Variants in LSAMP observed in about 807,000 individuals in gnomAD.
LSAMP encodes limbic system associated membrane protein, also known as limbic system-associated membrane protein.
Under a neutral mutation model 38.6 loss-of-function variants are expected in LSAMP, and 7 were observed. That is an observed-to-expected ratio of 0.18 (90% CI 0.10 to 0.34). The LOEUF (loss-of-function observed/expected upper bound fraction) is 0.34, where lower values mean the gene tolerates loss of function less well. Ranked by LOEUF, LSAMP falls within the 10% of genes least tolerant of loss-of-function variation. The pLI is 1.00. For missense variants in LSAMP, 313 were observed against 420.0 expected (o/e 0.75, Z 2.23); for synonymous variants, 154 against 166.8 (o/e 0.92, Z 0.59).
intron 6 of LSAMP, among the ~76,000 whole-genome samples, chr3:115,838,475 T>C (rs1293918306): frequency 6.6e-6 from 1 of 152,220 alleles, no homozygotes; most frequent in Non-Finnish European, 1.5e-5. Flanking sequence ...GTCATGCATA[T>C]CCCCGTCTGA....
chr3:115,820,519 A>G (rs1934196269), intron 6 of LSAMP, among the ~76,000 whole-genome samples: 2 of 152,202 alleles, frequency 1.3e-5, no homozygotes, highest in African/African-American at 4.8e-5. Flanking sequence ...AGGAAAGGCA[A>G]GTGCCTCGAG....
rs1480411910 is a variant in LSAMP, at chr3:115,877,673, T to G, written c.515-25056A>C. ...TTTTAACACATCTCTCTCTTTTCCC[T>G]CAAATATTTTGAAGCTTTGTTTTAT... On this transcript the variant is annotated intron_variant, in intron 3 of 6. Transcript: ENST00000490035. Among the ~76,000 whole-genome samples, 3 of 152,226 alleles carry G rather than the reference T, an allele frequency of 2.0e-5. No individual in the cohort carries two copies. In the East Asian group the frequency reaches 5.8e-4, roughly 29 times the overall value.
chr3:116,056,481 C>T (rs536599353), intron 2 of LSAMP, among the ~76,000 whole-genome samples: 11 of 152,004 alleles, frequency 7.2e-5, no homozygotes, highest in South Asian at 2.1e-4. Flanking sequence ...GCCTAAGTAA[C>T]CCAGATATGT....
At chr3:116,306,387 T>C (rs1422581183) in intron 1 of LSAMP, among the ~76,000 whole-genome samples, 1 of 152,016 alleles carries the variant, frequency 6.6e-6, no homozygotes, top group Non-Finnish European at 1.5e-5. Flanking sequence ...TCAGAATATT[T>C]TATTCATGTC....
At chr3:116,043,671 C>A (rs1286729760) in intron 2 of LSAMP, among the ~76,000 whole-genome samples, 1 of 152,200 alleles carries the variant, frequency 6.6e-6, no homozygotes, top group East Asian at 1.9e-4. Flanking sequence ...TCTTGCCGGG[C>A]GCGGTGGCTC....
At chr3:116,045,922 A>G (rs1417684252) in intron 2 of LSAMP, among the ~76,000 whole-genome samples, 2 of 152,112 alleles carry the variant, frequency 1.3e-5, no homozygotes, top group East Asian at 3.9e-4. Context: ...AAACTCCCCA[A>G]AGTTTCATAG....
At chr3:116,222,546 G>C (rs905111237) in intron 1 of LSAMP, among the ~76,000 whole-genome samples, 1 of 151,926 alleles carries the variant, frequency 6.6e-6, no homozygotes, top group African/African-American at 2.4e-5. Context: ...CGTAAAATAA[G>C]AGCTATGTTT....
chr3:116,034,460 C>T (rs1242114327), intron 2 of LSAMP, among the ~76,000 whole-genome samples: 1 of 151,988 alleles, frequency 6.6e-6, no homozygotes, highest in Non-Finnish European at 1.5e-5. Context: ...TATAACTTGG[C>T]CCCCAGAGAC....
At chr3:116,234,176 A>G (rs1053050939) in intron 1 of LSAMP, among the ~76,000 whole-genome samples, 2 of 152,168 alleles carry the variant, frequency 1.3e-5, no homozygotes, top group African/African-American at 4.8e-5. Flanking sequence ...TTTCTGTTGT[A>G]TATGTTGAAT....
At chr3:116,284,560 C>T (rs2047169288) in intron 1 of LSAMP, among the ~76,000 whole-genome samples, 1 of 152,192 alleles carries the variant, frequency 6.6e-6, no homozygotes, top group South Asian at 2.1e-4. Context: ...AGAAATGCAG[C>T]CTATCTTCTT....
chr3:115,900,052 A>T (rs560216307), intron 3 of LSAMP, among the ~76,000 whole-genome samples: 5 of 152,280 alleles, frequency 3.3e-5, no homozygotes, highest in African/African-American at 9.6e-5. Flanking sequence ...GTAGAATTAC[A>T]CTTAACTATT....
intron 1 of LSAMP, among the ~76,000 whole-genome samples, chr3:116,433,350 C>A (rs1365953430): frequency 6.6e-6 from 1 of 152,076 alleles, no homozygotes. Flanking sequence ...AGAGATGCAT[C>A]ATTAGACAAT....
At chr3:116,175,642 T>A (rs896234630) in intron 1 of LSAMP, among the ~76,000 whole-genome samples, 1 of 152,038 alleles carries the variant, frequency 6.6e-6, no homozygotes, top group African/African-American at 2.4e-5. Context: ...AGGAAGCAGA[T>A]CTATGGAAGC....
chr3:116,041,563 G>C (rs1941170834), intron 2 of LSAMP, among the ~76,000 whole-genome samples: 1 of 151,492 alleles, frequency 6.6e-6, no homozygotes, highest in South Asian at 2.1e-4. Context: ...TGGACAAAGA[G>C]CGGAGGAACT....
chr3:115,818,817 TATATAACTGCAGCAACATGATGAAC>T (rs1403631557), intron 6 of LSAMP, among the ~76,000 whole-genome samples: 2 of 112,874 alleles, frequency 1.8e-5, no homozygotes, highest in Non-Finnish European at 3.7e-5. Context: ...TATATATATA[TATATAACTGCAGCAACATGATGAAC>T]AAACAATGGG....
chr3:116,157,274 C>T, intron 1 of LSAMP, among the ~76,000 whole-genome samples: 1 of 151,962 alleles, frequency 6.6e-6, no homozygotes, highest in Non-Finnish European at 1.5e-5. Context: ...TGTCTTTCTC[C>T]ATAACTTATA....
At chr3:116,187,639 G>C (rs1309452093) in intron 1 of LSAMP, among the ~76,000 whole-genome samples, 2 of 151,986 alleles carry the variant, frequency 1.3e-5, no homozygotes, top group African/African-American at 4.8e-5. Context: ...ATATTACACA[G>C]TAAGGTACTG....
chr3:116,193,574 A>C (rs959137197), intron 1 of LSAMP, among the ~76,000 whole-genome samples: 1 of 152,250 alleles, frequency 6.6e-6, no homozygotes, highest in African/African-American at 2.4e-5. Flanking sequence ...AACAAACAAA[A>C]AAAACAACGC....
chr3:116,110,425 T>G (rs1347427572), intron 1 of LSAMP, among the ~76,000 whole-genome samples: 6 of 152,176 alleles, frequency 3.9e-5, no homozygotes, highest in African/African-American at 9.7e-5. Context: ...TCAGAGAGGC[T>G]TCCCTGCATT....
Sources: allele counts gnomAD v4.1 joint callset (sites outside exome capture counted in the v4.1 genomes callset), GRCh38; gene constraint gnomAD v4.1.1; transcripts MANE v1.5; gene names NCBI Gene and HGNC (gene_info 2026-07-23, HGNC 2026-07-21).